The following ENPP3 variants were observed in gnomAD, a reference collection of about 807,000 sequenced individuals.
The protein encoded by ENPP3 is ectonucleotide pyrophosphatase/phosphodiesterase family member 3.
A neutral mutation model predicts 117.8 loss-of-function variants in ENPP3; 104 were observed. The ratio of observed to expected loss-of-function variants is 0.88; its 90% CI spans 0.75 to 1.04. ENPP3 has a LOEUF of 1.04. ENPP3 is among the 50% of genes least tolerant of loss of function. ENPP3 has a pLI of 0.00. For synonymous variants in ENPP3, 380 were observed against 349.9 expected (o/e 1.09, Z -0.96); for missense variants, 1,026 against 1,051.9 (o/e 0.98, Z 0.34).
intron 2 of ENPP3, among the ~76,000 whole-genome samples, chr6:131,646,643 T>A (rs1449572356): frequency 6.6e-6 from 1 of 152,040 alleles, no homozygotes; most frequent in East Asian, 1.9e-4. Flanking sequence ...TCCCCTCTTC[T>A]CTTACCTAAT....
At position 131,746,840 on chromosome 6, in the gene ENPP3, C is replaced by G. The variant is rs202002060; in HGVS notation, c.2512C>G (p.Arg838Gly). The change falls in exon 25 of 25, where the codon CGG (arginine) becomes GGG (glycine). Residue 838 changes from arginine to glycine, a missense_variant. Coordinates refer to ENST00000357639, the MANE Select transcript of ENPP3 (RefSeq NM_005021.5). Reference protein sequence around the residue: ...VEERFTAHIARVRDVELLTGL... With the variant: ...VEERFTAHIAGVRDVELLTGL... ...AGAAAGATTTACAGCTCACATTGCC[C>G]GGGTCCGTGATGTAGAACTTCTCAC... The G allele has an allele frequency of 1.9e-6, 3 of 1,612,906 alleles. No homozygotes were observed. Among genetic ancestry groups the G allele is most frequent in the Non-Finnish European group, 2.5e-6 (3 of 1,179,554 alleles).
At chr6:131,638,293 T>G (rs1777969826) in intron 1 of ENPP3, among the ~76,000 whole-genome samples, 1 of 152,228 alleles carries the variant, frequency 6.6e-6, no homozygotes, top group Non-Finnish European at 1.5e-5. Context: ...GACATTTTCA[T>G]TTTATGACTT....
At position 131,639,267 on chromosome 6, in the gene ENPP3, T is replaced by A. The variant is rs202157057; in HGVS notation, c.78+1805T>A. On this transcript the variant is annotated intron_variant, in intron 1 of 24. Transcript: ENST00000357639. ...TGCTAATATATATATATATATATATTTTTTTTTTTTTCTCTCTCTCTTTTT... is the reference window on the plus strand; with the variant it reads ...TGCTAATATATATATATATATATATATTTTTTTTTTTCTCTCTCTCTTTTT... Among the ~76,000 whole-genome samples, 691 of 78,682 alleles carry A rather than the reference T, an allele frequency of 8.8e-3. 3 individuals are homozygous for A. The highest frequency in any genetic ancestry group is 0.011 in the Admixed American group (80 of 7,618). The allele number at this position is 78,682 out of a possible 152,430, so 51.6% of individuals were successfully genotyped here.
chr6:131,658,631 C>T (rs1340844792), intron 6 of ENPP3, among the ~76,000 whole-genome samples: 1 of 152,122 alleles, frequency 6.6e-6, no homozygotes, highest in Non-Finnish European at 1.5e-5. Flanking sequence ...GGATGTTCAG[C>T]CTTTTGTTTG....
chr6:131,660,591 A>G (rs1048589484), intron 6 of ENPP3, among the ~76,000 whole-genome samples: 4 of 152,242 alleles, frequency 2.6e-5, no homozygotes, highest in African/African-American at 9.6e-5. Flanking sequence ...GACTAGAAGT[A>G]GCAGGTAGAC....
intron 20 of ENPP3, among the ~76,000 whole-genome samples, chr6:131,730,644 A>G (rs1449790559): frequency 6.6e-6 from 1 of 152,208 alleles, no homozygotes; most frequent in Non-Finnish European, 1.5e-5. Flanking sequence ...GGTCAAGCGC[A>G]GTGGCTCACG....
intron 6 of ENPP3, among the ~76,000 whole-genome samples, chr6:131,668,210 T>G (rs1778659755): frequency 8.2e-6 from 1 of 121,526 alleles, no homozygotes; most frequent in South Asian, 2.8e-4. Context: ...CTCTGCGTTT[T>G]TTTTTTTTTT....
intron 3 of ENPP3, among the ~76,000 whole-genome samples, chr6:131,650,453 G>A (rs947561247): frequency 1.3e-5 from 2 of 152,042 alleles, no homozygotes; most frequent in Admixed American, 1.3e-4. Flanking sequence ...GAACTCCTGG[G>A]CTCAAGCAGT....
At chr6:131,706,460 A>G (rs1779639673) in intron 15 of ENPP3, among the ~76,000 whole-genome samples, 1 of 148,020 alleles carries the variant, frequency 6.8e-6, no homozygotes, top group Admixed American at 6.8e-5. Context: ...AGCCTCATGC[A>G]TGCTCTTACC....
intron 21 of ENPP3, 25 bp downstream of exon 21, chr6:131,733,748 A>G: frequency 6.2e-7 from 1 of 1,610,982 alleles, no homozygotes; most frequent in South Asian, 1.1e-5. Context: ...TTTTTAGAGC[A>G]GTAGCTTAGA....
At chr6:131,697,443 G>A (rs558372125) in intron 15 of ENPP3, among the ~76,000 whole-genome samples, 1 of 126,728 alleles carries the variant, frequency 7.9e-6, no homozygotes, top group African/African-American at 2.9e-5. Context: ...GGAAGGGGGG[G>A]TGGTTTCAGA....
At chr6:131,658,084 G>A (rs1585627463) in intron 5 of ENPP3, among the ~76,000 whole-genome samples, 1 of 151,746 alleles carries the variant, frequency 6.6e-6, no homozygotes, top group East Asian at 1.9e-4. Context: ...AACCCAGGAG[G>A]TGGAGGTGGC....
chr6:131,642,087 G>T (rs367932955), intron 2 of ENPP3, among the ~76,000 whole-genome samples: 1 of 151,968 alleles, frequency 6.6e-6, no homozygotes, highest in Non-Finnish European at 1.5e-5. Context: ...GAGTTGCCGC[G>T]CCTGGCCCTT....
At chr6:131,674,744 G>A (rs1008856148) in intron 8 of ENPP3, among the ~76,000 whole-genome samples, 8 of 151,492 alleles carry the variant, frequency 5.3e-5, no homozygotes, top group Non-Finnish European at 1.0e-4. Flanking sequence ...TAATTTTTTT[G>A]TATTTTTAGT....
intron 13 of ENPP3, 72 bp downstream of exon 13, chr6:131,685,567 A>G (rs1779137057): frequency 6.7e-7 from 1 of 1,502,110 alleles, no homozygotes. Context: ...ACTAATTCTG[A>G]GAGGAAGTTG....
intron 6 of ENPP3, among the ~76,000 whole-genome samples, chr6:131,666,105 C>T (rs890803994): frequency 6.6e-6 from 1 of 151,690 alleles, no homozygotes; most frequent in Non-Finnish European, 1.5e-5. Flanking sequence ...TATGTTAAGA[C>T]TTGTTCTGTG....
chr6:131,649,509 C>G (rs965905605), intron 2 of ENPP3, among the ~76,000 whole-genome samples: 3 of 152,028 alleles, frequency 2.0e-5, no homozygotes, highest in African/African-American at 7.2e-5. Context: ...AGTTTTTGTC[C>G]CACCCCTGTG....
chr6:131,699,410 A>G (rs1266853515), intron 15 of ENPP3, among the ~76,000 whole-genome samples: 1 of 148,126 alleles, frequency 6.8e-6, no homozygotes, highest in East Asian at 2.1e-4. Context: ...TAAACCTAGA[A>G]AAAACATCAT....
At chr6:131,664,297 A>C (rs534910348) in intron 6 of ENPP3, among the ~76,000 whole-genome samples, 2 of 152,276 alleles carry the variant, frequency 1.3e-5, no homozygotes, top group East Asian at 3.9e-4. Context: ...TTTTTGACAG[A>C]AACATTTAAA....
Sources: gnomAD v4.1 joint callset for allele counts (sites outside exome capture counted in the v4.1 genomes callset) on GRCh38, gnomAD v4.1.1 for gene constraint, MANE v1.5 for transcripts, NCBI Gene and HGNC (gene_info 2026-07-23, HGNC 2026-07-21) for gene names.